Variants in MYO9B observed in about 807,000 individuals in gnomAD.
The protein encoded by MYO9B is unconventional myosin-IXb.
Under a neutral mutation model 229.5 loss-of-function variants are expected in MYO9B, and 71 were observed. The ratio of observed to expected loss-of-function variants is 0.31; its 90% CI spans 0.26 to 0.38. The LOEUF is 0.38. Among genes scored for constraint, MYO9B ranks in the 10% least tolerant of loss-of-function variants. The pLI is 1.00. For synonymous variants in MYO9B, 1,185 were observed against 1,235.8 expected (o/e 0.96, Z 0.86); for missense variants, 2,255 against 2,920.5 (o/e 0.77, Z 5.25).
At position 17,210,763 on chromosome 19, in the gene MYO9B, C is replaced by T. The variant is rs2073218187; in HGVS notation, c.5845C>T (p.Leu1949=). The part of the protein sequence containing the change: ...RDIQEEELEV[L]LEEEAAGGDE... ...CATCCAGGAGGAGGAGCTGGAGGTG[C>T]TGCTGGAGGAGGAGGCAGCCGGCGG... The change falls in exon 38 of 40, where the codon CTG becomes TTG. Residue 1949 remains leucine, a synonymous_variant. Coordinates refer to ENST00000682292, the MANE Select transcript of MYO9B (RefSeq NM_004145.4). The T allele has an allele frequency of 1.3e-6, 2 of 1,571,660 alleles. No individual in the cohort carries two copies. Among genetic ancestry groups the T allele is most frequent in the Non-Finnish European group, 1.7e-6 (2 of 1,159,002 alleles).
rs750533033 is a variant in MYO9B, at chr19:17,198,166, C to A, written c.4114-18C>A. On this transcript the variant is annotated intron_variant, in intron 23 of 39. Transcript: ENST00000682292. ...TGCCAGCCTTTCCTTAGCAGCCCCC[C>A]ACTGCACCGTCTTGCAGCCTGCAGC... The A allele has an allele frequency of 6.2e-7, 1 of 1,613,442 alleles. No homozygotes were observed.
Position 17,128,680 on chromosome 19 carries a change from C to A in MYO9B, c.841-16717C>A, listed in dbSNP as rs546294788. 3.3e-5 allele frequency among the ~76,000 whole-genome samples: 5 copies of A among 152,338 alleles called. No individual in the cohort carries two copies. In the South Asian group the frequency reaches 8.3e-4, roughly 25 times the overall value. On this transcript the variant is annotated intron_variant, in intron 2 of 39. Coordinates refer to ENST00000682292, the MANE Select transcript of MYO9B (RefSeq NM_004145.4). ...TCTGGGTCTGACTGCTGTCAGTGTCCCCAGGTGGGCGTCACCTACTCCGTG... is the reference window on the plus strand; with the variant it reads ...TCTGGGTCTGACTGCTGTCAGTGTCACCAGGTGGGCGTCACCTACTCCGTG...
At chr19:17,137,853 C>T (rs1206095217) in intron 2 of MYO9B, among the ~76,000 whole-genome samples, 1 of 151,816 alleles carries the variant, frequency 6.6e-6, no homozygotes, top group African/African-American at 2.4e-5. Flanking sequence ...AATCCTCCCA[C>T]CTCAGCCTCC....
At chr19:17,176,924 G>C (rs2072796450) in intron 14 of MYO9B, among the ~76,000 whole-genome samples, 1 of 152,236 alleles carries the variant, frequency 6.6e-6, no homozygotes, top group South Asian at 2.1e-4. Context: ...AGGCTGGCCA[G>C]ACGTGATGGT....
chr19:17,211,606 C>G, intron 38 of MYO9B, 41 bp from the exon 39 acceptor site: 1 of 1,540,430 alleles, frequency 6.5e-7, no homozygotes, highest in Non-Finnish European at 8.8e-7. Context: ...CCAGCACTTC[C>G]GGTGGGGTGG....
chr19:17,185,524 C>T (rs1264620480), intron 17 of MYO9B, among the ~76,000 whole-genome samples: 2 of 144,900 alleles, frequency 1.4e-5, no homozygotes, highest in Admixed American at 1.4e-4. Flanking sequence ...CCAGCTTGGG[C>T]AACAAGAGCA....
In MYO9B at chr19:17,192,941, C is replaced by A; in HGVS notation, c.3007C>A (p.Gln1003Lys). The A allele has an allele frequency of 6.5e-7, 1 of 1,545,090 alleles. No individual in the cohort carries two copies. Among genetic ancestry groups the A allele is most frequent in the East Asian group, 2.5e-5 (1 of 40,790 alleles). Residue 1003 changes from glutamine (Q) to lysine (K), a missense_variant, in exon 21 of 40, where the codon CAG becomes AAG. This residue lies in a region of MYO9B where 679 missense variants were observed against 770.2 expected (regional missense o/e 0.88). Transcript: ENST00000682292. Reference sequence around the variant, plus strand: ...GGTCCGGAGGGCGCTGGAGAGGACGCAGGCTGCCGTGTACCTCCAGGCCTC... The same window carrying A: ...GGTCCGGAGGGCGCTGGAGAGGACGAAGGCTGCCGTGTACCTCCAGGCCTC... The part of the protein sequence containing the change: ...YRVRRALERT[Q>K]AAVYLQASWR...
chr19:17,167,897 A>G (rs1000927648), intron 10 of MYO9B, 46 bp from the exon 11 acceptor site: 16 of 1,549,516 alleles, frequency 1.0e-5, no homozygotes, highest in East Asian at 2.4e-5. Flanking sequence ...TAGATATTAC[A>G]TATCTGGGAG....
intron 18 of MYO9B, among the ~76,000 whole-genome samples, chr19:17,187,007 C>T (rs1030074758): frequency 6.6e-6 from 1 of 152,134 alleles, no homozygotes. Flanking sequence ...GGATTACAAG[C>T]GTAAGCCACC....
chr19:17,135,833 A>G (rs1395829330), intron 2 of MYO9B, among the ~76,000 whole-genome samples: 1 of 152,128 alleles, frequency 6.6e-6, no homozygotes, highest in East Asian at 1.9e-4. Flanking sequence ...TGATATTAGA[A>G]GTCACTGCAG....
rs748755454 is a variant in MYO9B at position 17,210,824 on chromosome 19, G to A, written c.5906G>A (p.Arg1969Gln). Reference sequence around the variant, plus strand: ...CGGGAAAAGGAGATTCTCATTGAACGGATCCAGTCCATCAAGGAGGAGAAG... The same window carrying A: ...CGGGAAAAGGAGATTCTCATTGAACAGATCCAGTCCATCAAGGAGGAGAAG... The part of the protein sequence containing the change: ...EDREKEILIE[R>Q]IQSIKEEKED... Residue 1969 changes from arginine (R) to glutamine (Q), a missense_variant, in exon 38 of 40, where the codon CGG becomes CAG. By Grantham distance (43) the Arg-to-Gln change is conservative (BLOSUM62 1). Transcript: ENST00000682292. The A allele has an allele frequency of 5.2e-5, 83 of 1,598,862 alleles. No individual in the cohort carries two copies. Among genetic ancestry groups the A allele is most frequent in the Non-Finnish European group, 6.6e-5 (77 of 1,173,264 alleles).
At chr19:17,083,689 C>T (rs961508007) in intron 1 of MYO9B, among the ~76,000 whole-genome samples, 2 of 149,684 alleles carry the variant, frequency 1.3e-5, no homozygotes, top group African/African-American at 5.0e-5. Flanking sequence ...TCTTGTTGCC[C>T]AGGCTGGAGT....
At chr19:17,185,045 C>G (rs2072902137) in intron 17 of MYO9B, 58 bp downstream of exon 17, 1 of 1,609,814 alleles carries the variant, frequency 6.2e-7, no homozygotes, top group Non-Finnish European at 8.5e-7. Flanking sequence ...GCTTGTGTAG[C>G]TTCACCCGAC....
At chr19:17,167,330 G>A (rs1039888364) in intron 10 of MYO9B, among the ~76,000 whole-genome samples, 5 of 150,914 alleles carry the variant, frequency 3.3e-5, no homozygotes, top group Admixed American at 1.3e-4. Context: ...ACAGGATCTT[G>A]CTATGTTGTC....
Position 17,205,989 on chromosome 19 carries a change from C to T in MYO9B, c.5094C>T (p.Phe1698=), listed in dbSNP as rs752185213. 10 of 1,584,624 alleles carry T rather than the reference C, an allele frequency of 6.3e-6. No individual in the cohort carries two copies. Among genetic ancestry groups the T allele is most frequent in the Middle Eastern group, 1.7e-4 (1 of 6,018 alleles). ...KGEPGVEPGH[F]GVCVDSLTSD... ...AGCCAGGCGTTGAGCCTGGCCACTT[C>T]GGCGTGTGCGTAGACAGCCTGACCA... The change falls in exon 32 of 40, where the codon TTC becomes TTT. Residue 1698 remains phenylalanine (F), a synonymous_variant. Coordinates refer to ENST00000682292, the MANE Select transcript of MYO9B (RefSeq NM_004145.4).
intron 1 of MYO9B, among the ~76,000 whole-genome samples, chr19:17,091,080 TCAGCAGCCCAGAGGCGGACCACATG>T (rs1192470289): frequency 6.6e-6 from 1 of 152,152 alleles, no homozygotes; most frequent in African/African-American, 2.4e-5. Context: ...CTCACAAGCC[TCAGCAGCCCAGAGGCGGACCACATG>T]TATAAAATAA....
At chr19:17,176,266 G>A (rs1185289248) in intron 14 of MYO9B, among the ~76,000 whole-genome samples, 1 of 152,098 alleles carries the variant, frequency 6.6e-6, no homozygotes, top group Non-Finnish European at 1.5e-5. Flanking sequence ...TTGATCTCCT[G>A]ACCTCGTGAT....
intron 6 of MYO9B, 72 bp from the exon 7 acceptor site, chr19:17,156,837 G>C: frequency 6.6e-7 from 1 of 1,513,864 alleles, no homozygotes; most frequent in Non-Finnish European, 8.9e-7. Context: ...GATTCAGCCC[G>C]GTTCCCTGGG....
intron 11 of MYO9B, among the ~76,000 whole-genome samples, chr19:17,170,152 C>T (rs1332766335): frequency 1.1e-4 from 16 of 151,954 alleles, no homozygotes; most frequent in Admixed American, 9.2e-4. Context: ...TCACCTTGAC[C>T]TCCCAAAGTG....
Sources: allele counts gnomAD v4.1 joint callset (sites outside exome capture counted in the v4.1 genomes callset), GRCh38; gene constraint gnomAD v4.1.1; regional missense constraint gnomAD v4.1.1; transcripts MANE v1.5; gene names NCBI Gene and HGNC (gene_info 2026-07-23, HGNC 2026-07-21).